Variants in ZNF346 observed in about 807,000 individuals in gnomAD.
ZNF346 encodes the protein double-stranded RNA-binding zinc finger protein JAZ.
In ZNF346, 23 loss-of-function variants were observed where a neutral mutation model predicts 33.7. The ratio of observed to expected loss-of-function variants is 0.68; its 90% confidence interval spans 0.49 to 0.97. The LOEUF (loss-of-function observed/expected upper bound fraction) is 0.97. ZNF346 is among the 50% of genes least tolerant of loss of function. The probability of loss-of-function intolerance (pLI) is 0.00; values close to 1 mark genes in which losing one functional copy is unlikely to be tolerated. For missense variants in ZNF346, 340 were observed against 371.1 expected (o/e 0.92, Z 0.69); for synonymous variants, 134 against 142.4 (o/e 0.94, Z 0.42).
At chr5:177,078,666 C>A (rs1469373400) in intron 8 of ZNF346, among the ~76,000 whole-genome samples, 1 of 152,246 alleles carries the variant, frequency 6.6e-6, no homozygotes, top group African/African-American at 2.4e-5. Context: ...AATCCCAGCA[C>A]TTTGGGAGGC....
At chr5:177,060,549 C>A (rs1393445170) in intron 5 of ZNF346, among the ~76,000 whole-genome samples, 4 of 151,770 alleles carry the variant, frequency 2.6e-5, no homozygotes, top group African/African-American at 9.7e-5. Flanking sequence ...AGCTCAACAC[C>A]TGTAATCCCA....
chr5:177,026,304 C>T (rs564524470), intron 1 of ZNF346, among the ~76,000 whole-genome samples: 59 of 151,772 alleles, frequency 3.9e-4, no homozygotes, highest in African/African-American at 1.4e-3. Context: ...CATGCCCAGC[C>T]CCTTCCTCAT....
downstream of ZNF346, among the ~76,000 whole-genome samples, chr5:177,070,011 ATAAAT>A (rs566278026): frequency 1.5e-3 from 223 of 152,318 alleles, no homozygotes; most frequent in Non-Finnish European, 2.6e-3. Context: ...TGGGGGTATC[ATAAAT>A]AAAACTGCTG....
chr5:177,032,925 A>G (rs985646434), intron 1 of ZNF346, among the ~76,000 whole-genome samples: 3 of 152,180 alleles, frequency 2.0e-5, no homozygotes, highest in Non-Finnish European at 2.9e-5. Flanking sequence ...CACAGTATGG[A>G]CTCACAAAAT....
intron 5 of ZNF346, among the ~76,000 whole-genome samples, chr5:177,053,664 CAT>C (rs1781275799): frequency 6.6e-6 from 1 of 152,084 alleles, no homozygotes; most frequent in Non-Finnish European, 1.5e-5. Context: ...GTTTTTCTTA[CAT>C]GTGTTCTTGT....
intron 4 of ZNF346, among the ~76,000 whole-genome samples, chr5:177,046,586 G>A (rs1375080237): frequency 1.3e-5 from 2 of 152,194 alleles, no homozygotes; most frequent in South Asian, 4.1e-4. Context: ...ACTTTTTAAT[G>A]TAAAGTAATA....
At chr5:177,068,805 A>G (rs1783358387), downstream of ZNF346, among the ~76,000 whole-genome samples, 1 of 143,122 alleles carries the variant, frequency 7.0e-6, no homozygotes, top group Non-Finnish European at 1.5e-5. Context: ...GACAAAAACA[A>G]CTGTGCACTA....
chr5:177,057,633 G>T (rs1183511605), intron 5 of ZNF346, among the ~76,000 whole-genome samples: 1 of 151,578 alleles, frequency 6.6e-6, no homozygotes, highest in Non-Finnish European at 1.5e-5. Context: ...AACTACTCAG[G>T]ATGCTGAGGC....
chr5:177,052,648 A>G (rs6860827), intron 5 of ZNF346: 19,712 of 152,244 alleles, frequency 0.13, 2,983 homozygotes, highest in African/African-American at 0.37. Flanking sequence ...GTTGCTTCCT[A>G]TCAGCAGAAT....
Position 177,077,873 on chromosome 5 carries a change from G to A in ZNF346, c.*3-1509G>A, listed in dbSNP as rs1483750866. Among the ~76,000 whole-genome samples, 6 of 152,162 alleles carry A rather than the reference G, an allele frequency of 3.9e-5. No homozygotes were observed. The highest frequency in any genetic ancestry group is 1.3e-4 in the Admixed American group (2 of 15,280). ...AAGAAAAAGGAATGCCTGGCCAGGC[G>A]CGGTGGCTCACGCCTGTAATCCCAG... On this transcript the variant is annotated intron_variant, in intron 8 of 8. Transcript: ENST00000503039. This position sits in a 1 kb window ranked among gnomAD's most constrained non-coding sequence, Gnocchi z 5.0.
intron 1 of ZNF346, 135 bp downstream of exon 1, chr5:177,023,048 C>A: frequency 6.9e-7 from 1 of 1,444,854 alleles, no homozygotes; most frequent in Admixed American, 2.0e-5. Context: ...GACTTGTGCT[C>A]CCCATCCGGG....
chr5:177,027,876 C>T (rs1581781157), intron 1 of ZNF346, among the ~76,000 whole-genome samples: 1 of 150,916 alleles, frequency 6.6e-6, no homozygotes, highest in Non-Finnish European at 1.5e-5. Flanking sequence ...CTCCTGGCCT[C>T]TAGTGATCCT....
At chr5:177,035,959 G>GTTT (rs201601086) in intron 1 of ZNF346, among the ~76,000 whole-genome samples, 2 of 145,258 alleles carry the variant, frequency 1.4e-5, no homozygotes, top group African/African-American at 5.1e-5. Flanking sequence ...TTTTATCCAA[G>GTTT]TTTTTTTTTT....
At chr5:177,036,735 A>G (rs762277398) in intron 1 of ZNF346, among the ~76,000 whole-genome samples, 1 of 152,142 alleles carries the variant, frequency 6.6e-6, no homozygotes, top group Non-Finnish European at 1.5e-5. Flanking sequence ...TGCTACATGT[A>G]AAGGAAATCA....
At position 177,047,340 on chromosome 5, in the gene ZNF346, GT is replaced by G. The variant is rs113091804; in HGVS notation, c.517+2822del. On this transcript the variant is annotated intron_variant, in intron 4 of 6. Transcript: ENST00000358149. ...TGCCTTTTTTGTTTGTTTGTTTTTT[GT>G]TTTTTTTTTTTTTTGAGATGGAGTC... Among the ~76,000 whole-genome samples, 640 of 137,308 alleles carry G rather than the reference GT, an allele frequency of 4.7e-3. 3 individuals carry two copies. The highest frequency in any genetic ancestry group is 0.014 in the African/African-American group (527 of 37,492). The allele number at this position is 137,308 out of a possible 152,430, so 90.1% of individuals were successfully genotyped here. A position where few individuals can be genotyped will look rare whatever the true frequency, so the allele number is the denominator to read the frequency against.
intron 1 of ZNF346, among the ~76,000 whole-genome samples, chr5:177,031,927 C>T (rs989484175): frequency 6.6e-5 from 10 of 151,334 alleles, no homozygotes; most frequent in Non-Finnish European, 1.0e-4. Flanking sequence ...CCAGAATTTC[C>T]ATTTGTTTGT....
intron 1 of ZNF346, among the ~76,000 whole-genome samples, chr5:177,024,914 A>G (rs1049417268): frequency 6.6e-6 from 1 of 152,250 alleles, no homozygotes; most frequent in African/African-American, 2.4e-5. Flanking sequence ...GTAGACACCT[A>G]CAACATTAAG....
chr5:177,041,504 T>C (rs1173714510), intron 2 of ZNF346, among the ~76,000 whole-genome samples: 3 of 152,228 alleles, frequency 2.0e-5, no homozygotes, highest in Non-Finnish European at 2.9e-5. Flanking sequence ...AAATCAAAAC[T>C]CTGCTACTCA....
At chr5:177,035,259 T>C (rs1010408276) in intron 1 of ZNF346, among the ~76,000 whole-genome samples, 8 of 152,162 alleles carry the variant, frequency 5.3e-5, no homozygotes, top group Non-Finnish European at 7.3e-5. Context: ...TCAAGCAATC[T>C]ACCTGCCTTG....
Sources: gnomAD v4.1 joint callset for allele counts (sites outside exome capture counted in the v4.1 genomes callset) on GRCh38, gnomAD v4.1.1 for gene constraint, Gnocchi (gnomAD v3.1) non-coding constraint, MANE v1.5 for transcripts, NCBI Gene and HGNC (gene_info 2026-07-23, HGNC 2026-07-21) for gene names.